The following SCN11A variants were observed in gnomAD, a reference collection of about 807,000 sequenced individuals.
SCN11A encodes sodium voltage-gated channel alpha subunit 11.
Under a neutral mutation model 162.2 loss-of-function variants are expected in SCN11A, and 122 were observed. The observed-to-expected ratio is 0.75, with a 90% CI of 0.65 to 0.87. SCN11A has a LOEUF of 0.87. Among genes scored for constraint, SCN11A ranks in the 40% least tolerant of loss-of-function variants. The probability of loss-of-function intolerance (pLI) is 0.00; values close to 1 mark genes in which losing one functional copy is unlikely to be tolerated. For synonymous variants in SCN11A, 758 were observed against 751.5 expected (o/e 1.01, Z -0.14); for missense variants, 2,015 against 2,181.6 (o/e 0.92, Z 1.52).
At chr3:38,927,571 A>G (rs553654751) in intron 7 of SCN11A, among the ~76,000 whole-genome samples, 64 of 152,242 alleles carry the variant, frequency 4.2e-4, no homozygotes, top group Admixed American at 8.5e-4. Context: ...ACAAAGCTAC[A>G]GTAATCAAAA....
chr3:38,872,338 C>T (rs1559498868), intron 23 of SCN11A, 44 bp from the exon 24 acceptor site: 4 of 1,100,604 alleles, frequency 3.6e-6, no homozygotes, highest in Non-Finnish European at 5.6e-6. Context: ...GACTTGGTGT[C>T]CAGCTGGAAA....
chr3:38,874,294 C>A (rs1025016501), intron 23 of SCN11A, among the ~76,000 whole-genome samples: 10 of 152,072 alleles, frequency 6.6e-5, no homozygotes, highest in Admixed American at 2.6e-4. Context: ...TCGATGTTAT[C>A]CAACTTTAAA....
At chr3:38,926,777 T>C (rs1351878448) in intron 8 of SCN11A, 26 bp downstream of exon 8, 2 of 1,609,274 alleles carry the variant, frequency 1.2e-6, no homozygotes, top group South Asian at 1.1e-5. Flanking sequence ...TCCAAGTCTC[T>C]TCAAAAACAT....
intron 2 of SCN11A, among the ~76,000 whole-genome samples, chr3:38,976,058 GA>G (rs1238385551): frequency 6.6e-6 from 1 of 152,032 alleles, no homozygotes; most frequent in African/African-American, 2.4e-5. Flanking sequence ...AGTATAAAGA[GA>G]AAACACATAA....
At chr3:39,047,064 AC>A (rs1286616235) in intron 1 of SCN11A, among the ~76,000 whole-genome samples, 10 of 26,402 alleles carry the variant, frequency 3.8e-4, no homozygotes, top group Non-Finnish European at 7.9e-4. Flanking sequence ...CCCCACCCCC[AC>A]CCCCTTTTTT....
At chr3:38,920,071 G>T (rs2066021915) in intron 10 of SCN11A, 70 bp from the exon 11 acceptor site, 2 of 1,173,148 alleles carry the variant, frequency 1.7e-6, no homozygotes, top group East Asian at 4.7e-5. Context: ...TAGTAAGTAT[G>T]CAGATTATGC....
intron 12 of SCN11A, 107 bp from the exon 13 acceptor site, chr3:38,909,301 G>T: frequency 1.0e-6 from 1 of 956,060 alleles, no homozygotes. Flanking sequence ...TCTTCCCCCA[G>T]CACTGGTGGG....
chr3:38,871,051 G>A (rs1476936131), intron 25 of SCN11A, among the ~76,000 whole-genome samples: 2 of 152,198 alleles, frequency 1.3e-5, no homozygotes, highest in Admixed American at 6.5e-5. Flanking sequence ...AAGAGTTAAA[G>A]GGTTCTTTTC....
intron 3 of SCN11A, among the ~76,000 whole-genome samples, chr3:38,958,627 G>C (rs1434384053): frequency 1.3e-5 from 2 of 152,256 alleles, no homozygotes; most frequent in Non-Finnish European, 2.9e-5. Flanking sequence ...ATATGTACAA[G>C]TTTTAACATT....
intron 15 of SCN11A, among the ~76,000 whole-genome samples, 198 bp from the exon 16 acceptor site, chr3:38,904,301 C>A (rs2126125065): frequency 6.6e-6 from 1 of 152,292 alleles, no homozygotes; most frequent in Non-Finnish European, 1.5e-5. Context: ...ATACAACTAG[C>A]ATGCGGTACA....
At chr3:39,004,160 C>A (rs929236500) in intron 2 of SCN11A, among the ~76,000 whole-genome samples, 1 of 152,154 alleles carries the variant, frequency 6.6e-6, no homozygotes, top group African/African-American at 2.4e-5. Flanking sequence ...TTGGGTTTTA[C>A]ATTTAAGTCT....
intron 1 of SCN11A, among the ~76,000 whole-genome samples, chr3:39,046,984 G>A (rs2032197239): frequency 6.6e-6 from 1 of 150,400 alleles, no homozygotes; most frequent in South Asian, 2.1e-4. Flanking sequence ...GCCTCCCAGA[G>A]TGCTGGGATT....
At chr3:38,972,762 A>G (rs2066824086) in intron 2 of SCN11A, among the ~76,000 whole-genome samples, 1 of 152,168 alleles carries the variant, frequency 6.6e-6, no homozygotes, top group African/African-American at 2.4e-5. Context: ...AGATACAAGT[A>G]GATTGAATTT....
At chr3:38,991,315 G>C (rs1053175656) in intron 2 of SCN11A, among the ~76,000 whole-genome samples, 3 of 152,186 alleles carry the variant, frequency 2.0e-5, no homozygotes, top group African/African-American at 7.2e-5. Flanking sequence ...GTACAGGGAA[G>C]ATGAGCCTAT....
At position 38,910,175 on chromosome 3, in the gene SCN11A, G is replaced by C. The variant is rs1459943494; in HGVS notation, c.992C>G (p.Thr331Ser). Residue 331 changes from threonine (T) to serine (S), a missense_variant, in exon 12 of 30, where the codon ACC becomes AGC. Coordinates refer to ENST00000302328, the MANE Select transcript of SCN11A (RefSeq NM_001349253.2). ...ATAATTATAGTCAGGATTAATTTTG[G>C]TGTGCTTACATTCATATTGTATGGA... is the stretch of plus-strand genomic sequence containing the variant. ...ACSIQYECKH[T>S]KINPDYNYTN... The C allele has an allele frequency of 2.5e-6, 4 of 1,613,372 alleles. No individual in the cohort carries two copies. The African/African-American group carries it at 4.0e-5, about 16-fold the overall frequency.
Position 38,886,282 on chromosome 3 carries a change from A to G in SCN11A, c.2836-44T>C, listed in dbSNP as rs192283433. 5 of 1,303,310 alleles carry G rather than the reference A, an allele frequency of 3.8e-6. No individual in the cohort carries two copies. In the South Asian group the frequency reaches 3.9e-5, roughly 10 times the overall value. The allele number at this position is 1,303,310 out of a possible 1,614,324, so 80.7% of individuals were successfully genotyped here. ...AATAGAATTAATATTCCTCCTGGAC[A>G]TGTCACTTAAGATGAAAGAAGTTTG... On this transcript the variant is annotated intron_variant, in intron 19 of 29. Coordinates refer to ENST00000302328, the MANE Select transcript of SCN11A (RefSeq NM_001349253.2).
At chr3:39,004,829 T>C (rs1575355343) in intron 2 of SCN11A, among the ~76,000 whole-genome samples, 2 of 152,348 alleles carry the variant, frequency 1.3e-5, no homozygotes, top group East Asian at 1.9e-4. Context: ...CATATAATTC[T>C]ATATCTTCTG....
At chr3:38,983,942 G>A (rs1249766044) in intron 2 of SCN11A, among the ~76,000 whole-genome samples, 2 of 152,188 alleles carry the variant, frequency 1.3e-5, no homozygotes, top group Non-Finnish European at 2.9e-5. Context: ...TGGGCCTCTG[G>A]TGAAGATAAT....
chr3:38,884,172 C>A (rs146315279), intron 21 of SCN11A, among the ~76,000 whole-genome samples: 1 of 152,310 alleles, frequency 6.6e-6, no homozygotes, highest in Non-Finnish European at 1.5e-5. Context: ...TGCCTCTTTT[C>A]TTCTTCCAAA....
Sources: allele counts gnomAD v4.1 joint callset (sites outside exome capture counted in the v4.1 genomes callset), GRCh38; gene constraint gnomAD v4.1.1; transcripts MANE v1.5; gene names NCBI Gene and HGNC (gene_info 2026-07-23, HGNC 2026-07-21).